Variants in NBAS observed in about 807,000 individuals in gnomAD.
NBAS encodes the protein NAG/BC035112 fusion.
A neutral mutation model predicts 302.5 loss-of-function variants in NBAS; 219 were observed. The observed-to-expected ratio is 0.72, with a 90% CI of 0.65 to 0.81. The LOEUF (loss-of-function observed/expected upper bound fraction) is 0.81. Ranked by LOEUF, NBAS falls within the 30% of genes least tolerant of loss-of-function variation. The pLI, the probability that NBAS is intolerant of heterozygous loss-of-function variation, is 0.00. For missense variants in NBAS, 2,932 were observed against 2,841.6 expected, an observed-to-expected ratio of 1.03 and a Z score of -0.72; for synonymous variants, 1,118 against 1,021.6, an observed-to-expected ratio of 1.09 and a Z score of -1.80.
chr2:15,269,965 C>A (rs967205191), intron 44 of NBAS, among the ~76,000 whole-genome samples: 3 of 152,184 alleles, frequency 2.0e-5, no homozygotes, highest in Admixed American at 2.0e-4. Context: ...ATTTTCTTCA[C>A]CTACTGCAAC....
chr2:14,791,190 C>T, the NBAS span, among the ~76,000 whole-genome samples: 2 of 151,862 alleles, frequency 1.3e-5, no homozygotes, highest in African/African-American at 2.4e-5. Context: ...AGTGTTTCTC[C>T]GTGTTGGTCA....
At chr2:14,867,029 T>C in the NBAS span, among the ~76,000 whole-genome samples, 2 of 152,182 alleles carry the variant, frequency 1.3e-5, no homozygotes, top group African/African-American at 2.4e-5. Context: ...CAAAAAGATC[T>C]TGCATGGCTT....
the NBAS span, among the ~76,000 whole-genome samples, chr2:15,051,262 G>T: frequency 6.6e-6 from 1 of 152,276 alleles, no homozygotes; most frequent in South Asian, 2.1e-4. Flanking sequence ...TAACCACTGT[G>T]AATAACAGCC....
chr2:14,834,269 C>T, the NBAS span, among the ~76,000 whole-genome samples: 1 of 152,054 alleles, frequency 6.6e-6, no homozygotes, highest in East Asian at 1.9e-4. Flanking sequence ...AACATAAAGC[C>T]GAAATTTATA....
chr2:15,339,016 A>C lies in NBAS; in HGVS notation c.4180-8251T>G, dbSNP rs115073111. Among the ~76,000 whole-genome samples, 1,284 of 152,182 alleles carry C rather than the reference A, an allele frequency of 8.4e-3. 15 individuals are homozygous for C. The highest frequency in any genetic ancestry group is 0.029 in the African/African-American group (1,193 of 41,532). On this transcript the variant is annotated intron_variant, in intron 35 of 51. Coordinates refer to ENST00000281513, the MANE Select transcript of NBAS (RefSeq NM_015909.4). Reference sequence around the variant, plus strand: ...GGTGACACAGCCAAACCCTGTCTCTAAAAAATTTTTTAAAAATCAATATTA... The same window carrying C: ...GGTGACACAGCCAAACCCTGTCTCTCAAAAATTTTTTAAAAATCAATATTA...
At position 15,356,425 on chromosome 2, in the gene NBAS, CCAAGCAAAGGACTTAATGATTATGA is replaced by C. The variant is rs1206604047; in HGVS notation, c.3818-34_3818-10del. The C allele has an allele frequency of 1.3e-6, 2 of 1,596,422 alleles. No individual in the cohort carries two copies. Among genetic ancestry groups the C allele is most frequent in the Admixed American group, 1.7e-5 (1 of 59,970 alleles). ...TTCTTCTGGGTTCTCACCTGTAAGT[CCAAGCAAAGGACTTAATGATTATGA>C]CAAGCAACGTCAATTGATAGAAGAG... On this transcript the variant is annotated splice_polypyrimidine_tract_variant and intron_variant, in intron 32 of 51. Coordinates refer to ENST00000281513, the MANE Select transcript of NBAS (RefSeq NM_015909.4).
At chr2:15,420,828 G>C (rs534733473) in intron 23 of NBAS, among the ~76,000 whole-genome samples, 26 of 152,132 alleles carry the variant, frequency 1.7e-4, no homozygotes, top group Non-Finnish European at 3.7e-4. Context: ...AGAGGAGAAG[G>C]GGAAGAGGGG....
chr2:15,516,488 C>T (rs1166565017), intron 9 of NBAS, among the ~76,000 whole-genome samples: 1 of 152,016 alleles, frequency 6.6e-6, no homozygotes, highest in African/African-American at 2.4e-5. Context: ...TTTGGGAAGC[C>T]CAGGTGGGTG....
At chr2:15,333,501 C>A (rs1384777128) in intron 35 of NBAS, among the ~76,000 whole-genome samples, 1 of 152,110 alleles carries the variant, frequency 6.6e-6, no homozygotes, top group Non-Finnish European at 1.5e-5. Context: ...GAGCAAGAAT[C>A]CAGTTTGGAG....
chr2:15,063,430 T>C, the NBAS span, among the ~76,000 whole-genome samples: 1 of 152,188 alleles, frequency 6.6e-6, no homozygotes, highest in East Asian at 1.9e-4. Context: ...TATCTCCATC[T>C]AGCCTGTAAG....
the NBAS span, among the ~76,000 whole-genome samples, chr2:14,799,985 C>A: frequency 6.6e-6 from 1 of 152,104 alleles, no homozygotes; most frequent in Non-Finnish European, 1.5e-5. Flanking sequence ...ACATATACTT[C>A]AGGTTTTTAA....
chr2:15,218,450 A>C, intron 48 of NBAS, among the ~76,000 whole-genome samples: 1 of 152,108 alleles, frequency 6.6e-6, no homozygotes, highest in East Asian at 1.9e-4. Flanking sequence ...TTTGAGATGG[A>C]GTCTTGCTCT....
the NBAS span, among the ~76,000 whole-genome samples, chr2:14,895,696 C>T: frequency 2.5e-4 from 38 of 149,920 alleles, no homozygotes; most frequent in Non-Finnish European, 4.4e-4. Flanking sequence ...GCTGAGATCG[C>T]GCCACCGCAC....
chr2:15,443,128 A>G (rs1475984917), intron 21 of NBAS, among the ~76,000 whole-genome samples: 7 of 152,320 alleles, frequency 4.6e-5, no homozygotes, highest in Middle Eastern at 3.4e-3. Flanking sequence ...ACAGAAAAAG[A>G]GGGAATCCTC....
chr2:14,870,073 G>T, the NBAS span, among the ~76,000 whole-genome samples: 1 of 152,306 alleles, frequency 6.6e-6, no homozygotes, highest in African/African-American at 2.4e-5. Context: ...TTGGTCAACA[G>T]GTAGAGCTTA....
chr2:15,081,823 T>C, the NBAS span, among the ~76,000 whole-genome samples: 1 of 152,208 alleles, frequency 6.6e-6, no homozygotes, highest in African/African-American at 2.4e-5. Flanking sequence ...GGCTGCTGCC[T>C]GGAAGGATGG....
At chr2:14,977,502 T>G in the NBAS span, among the ~76,000 whole-genome samples, 3 of 152,240 alleles carry the variant, frequency 2.0e-5, no homozygotes, top group Non-Finnish European at 4.4e-5. Context: ...AATTCACTAG[T>G]CATGGAATTT....
the NBAS span, among the ~76,000 whole-genome samples, chr2:14,943,790 AT>A: frequency 3.9e-5 from 6 of 152,040 alleles, no homozygotes; most frequent in African/African-American, 1.4e-4. Flanking sequence ...ATTTTTATTA[AT>A]TTTTTAAACT....
At chr2:14,896,905 C>A in the NBAS span, among the ~76,000 whole-genome samples, 1 of 152,110 alleles carries the variant, frequency 6.6e-6, no homozygotes, top group South Asian at 2.1e-4. Flanking sequence ...CATTTGATCA[C>A]ATAACCTGAA....
Sources: gnomAD v4.1 joint callset for allele counts (sites outside exome capture counted in the v4.1 genomes callset) on GRCh38, gnomAD v4.1.1 for gene constraint, MANE v1.5 for transcripts, NCBI Gene and HGNC (gene_info 2026-07-23, HGNC 2026-07-21) for gene names.